LY86: variants seen among roughly 807,000 people sequenced by gnomAD.
The protein encoded by LY86 is MD-1, RP105-associated.
A neutral mutation model predicts 17.3 loss-of-function variants in LY86; 20 were observed. The ratio of observed to expected loss-of-function variants is 1.15; its 90% CI spans 0.81 to 1.68. The LOEUF (loss-of-function observed/expected upper bound fraction) is 1.68. Ranked by LOEUF, LY86 falls within the 40% of genes most tolerant of loss-of-function variation. The pLI is 0.00. For missense variants in LY86, 200 were observed against 191.9 expected (o/e 1.04, Z -0.25); for synonymous variants, 74 against 70.6 (o/e 1.05, Z -0.24).
At chr6:6,605,451 G>A (rs1430218026) in intron 1 of LY86, among the ~76,000 whole-genome samples, 1 of 152,354 alleles carries the variant, frequency 6.6e-6, no homozygotes, top group Admixed American at 6.5e-5. Flanking sequence ...CCCACTCACA[G>A]GGCTGTTACT....
Position 6,609,291 on chromosome 6 carries a change from T to C in LY86, c.137-15635T>C, listed in dbSNP as rs146976498. ...GCAGACCCACCCTGGCTTCATCTCATTGACATAAGAGATGCAGAAAGAAAT... is the reference window on the plus strand; with the variant it reads ...GCAGACCCACCCTGGCTTCATCTCACTGACATAAGAGATGCAGAAAGAAAT... On this transcript the variant is annotated intron_variant, in intron 1 of 4. Coordinates refer to ENST00000230568, the MANE Select transcript of LY86 (RefSeq NM_004271.4). Among the ~76,000 whole-genome samples the C allele has an allele frequency of 4.0e-3, 606 of 152,326 alleles. 3 individuals carry two copies. The highest frequency in any genetic ancestry group is 0.013 in the African/African-American group (553 of 41,576).
At chr6:6,597,405 G>A (rs560437217) in intron 1 of LY86, among the ~76,000 whole-genome samples, 1 of 152,264 alleles carries the variant, frequency 6.6e-6, no homozygotes, top group South Asian at 2.1e-4. Context: ...GTATAGAGAG[G>A]CAGGTGCTTC....
intron 3 of LY86, among the ~76,000 whole-genome samples, chr6:6,627,190 A>G (rs1249815636): frequency 6.6e-6 from 1 of 152,108 alleles, no homozygotes. Flanking sequence ...CCCACTGGCC[A>G]AGGCAGGGCA....
intron 1 of LY86, among the ~76,000 whole-genome samples, chr6:6,605,298 C>T (rs1761072999): frequency 1.3e-5 from 2 of 152,078 alleles, no homozygotes; most frequent in Non-Finnish European, 1.5e-5. Flanking sequence ...TCCTCTGGGG[C>T]AGGAATTTGG....
rs576135350 is a variant in LY86 at position 6,612,507 on chromosome 6, T to C, written c.137-12419T>C. Among the ~76,000 whole-genome samples, 30 of 137,842 alleles carry C rather than the reference T, an allele frequency of 2.2e-4. 1 individual carries two copies. The South Asian group carries it at 4.0e-3, about 18-fold the overall frequency. The allele number at this position is 137,842 out of a possible 152,430, so 90.4% of individuals were successfully genotyped here. On this transcript the variant is annotated intron_variant, in intron 1 of 4. Coordinates refer to ENST00000230568, the MANE Select transcript of LY86 (RefSeq NM_004271.4). ...AAGTGTAAACAACAAAAACACTTAC[T>C]GCAAAAAGCAAAAGAACAAACCAAC...
rs1760428864 is a variant in LY86 at position 6,588,738 on chromosome 6, A to C, written c.4A>C (p.Lys2Gln). 1 of 1,614,038 alleles carries C rather than the reference A, an allele frequency of 6.2e-7. No individual in the cohort carries two copies. The highest frequency in any genetic ancestry group is 8.5e-7 in the Non-Finnish European group (1 of 1,179,970). M[K>Q]GFTATLFLWT... ...GTGTCCCATACAGGCCCCCACCATG[A>C]AGGGTTTCACAGCCACTCTCTTCCT... The change falls in exon 1 of 5, where the codon AAG (lysine) becomes CAG (glutamine). Residue 2 changes from lysine to glutamine, a missense_variant. Lys to Gln is a moderately conservative substitution (Grantham distance 53). Coordinates refer to ENST00000230568, the MANE Select transcript of LY86 (RefSeq NM_004271.4).
chr6:6,611,957 C>A (rs1205024356), intron 1 of LY86, among the ~76,000 whole-genome samples: 1 of 151,728 alleles, frequency 6.6e-6, no homozygotes, highest in Non-Finnish European at 1.5e-5. Context: ...GTGTCCCAAG[C>A]AATCTACTTG....
At chr6:6,596,695 AT>A (rs1420758404) in intron 1 of LY86, among the ~76,000 whole-genome samples, 3 of 152,142 alleles carry the variant, frequency 2.0e-5, no homozygotes, top group South Asian at 2.1e-4. Context: ...TGTGGTGCAG[AT>A]TTTTTTTAAT....
chr6:6,646,709 C>T (rs1299938039), intron 3 of LY86, among the ~76,000 whole-genome samples: 1 of 152,158 alleles, frequency 6.6e-6, no homozygotes, highest in Non-Finnish European at 1.5e-5. Flanking sequence ...CCTTCACTTT[C>T]TTCCTTACTC....
intron 1 of LY86, among the ~76,000 whole-genome samples, chr6:6,590,184 TC>T (rs556441651): frequency 2.7e-5 from 4 of 146,016 alleles, no homozygotes; most frequent in South Asian, 2.2e-4. Flanking sequence ...GATACCGTAG[TC>T]CCCCCCCAGT....
chr6:6,610,545 G>T (rs12211040), intron 1 of LY86, among the ~76,000 whole-genome samples: 6,089 of 142,760 alleles, frequency 0.043, 182 homozygotes, highest in Non-Finnish European at 0.06. Flanking sequence ...GGAAGCTTAG[G>T]GGGGGGCAAG....
chr6:6,599,182 C>G (rs1760820235), intron 1 of LY86, among the ~76,000 whole-genome samples: 6 of 152,224 alleles, frequency 3.9e-5, no homozygotes. Context: ...TCATCTAATG[C>G]TTGGGACATG....
In LY86 at chr6:6,602,171, C is replaced by A. The variant is rs543077409; in HGVS notation, c.136+13301C>A. On this transcript the variant is annotated intron_variant, in intron 1 of 4. Transcript: ENST00000230568. ...ATCAAAATGGTGTCACCACATGAGT[C>A]CTGAAGAATGCTAATTATATAATAG... is the stretch of plus-strand genomic sequence containing the variant. Among the ~76,000 whole-genome samples the A allele has an allele frequency of 2.0e-5, 3 of 152,312 alleles. No individual in the cohort carries two copies. In the East Asian group the frequency reaches 5.8e-4, roughly 29 times the overall value.
At chr6:6,647,181 G>A (rs1260286815) in intron 3 of LY86, among the ~76,000 whole-genome samples, 1 of 152,136 alleles carries the variant, frequency 6.6e-6, no homozygotes, top group African/African-American at 2.4e-5. Flanking sequence ...TCCTACAATT[G>A]TGGGAGTAAT....
chr6:6,640,973 G>C (rs1195306555), intron 3 of LY86, among the ~76,000 whole-genome samples: 1 of 152,182 alleles, frequency 6.6e-6, no homozygotes, highest in East Asian at 1.9e-4. Flanking sequence ...TATCAAAGTA[G>C]AGTTAGCTGG....
intron 1 of LY86, among the ~76,000 whole-genome samples, chr6:6,595,229 T>G (rs1286687197): frequency 3.2e-3 from 325 of 100,992 alleles, no homozygotes; most frequent in African/African-American, 5.0e-3. Flanking sequence ...GGAAAAGGAG[T>G]AGGAGGAGGG....
intron 4 of LY86, among the ~76,000 whole-genome samples, chr6:6,651,951 G>A (rs1008602824): frequency 4.6e-5 from 7 of 151,282 alleles, no homozygotes; most frequent in Admixed American, 1.3e-4. Flanking sequence ...AGCCACTCGG[G>A]AGGCTGAGGC....
intron 3 of LY86, among the ~76,000 whole-genome samples, chr6:6,646,127 G>C (rs1762104007): frequency 6.6e-6 from 1 of 152,162 alleles, no homozygotes; most frequent in South Asian, 2.1e-4. Flanking sequence ...CTCAGGCTGG[G>C]CAAAGCACCA....
intron 1 of LY86, among the ~76,000 whole-genome samples, chr6:6,590,106 G>A (rs10080343): frequency 0.34 from 43,803 of 128,936 alleles, 7,377 homozygotes; most frequent in Middle Eastern, 0.4. Context: ...CAAGAGGAGC[G>A]AAACTCTGTC....
Sources: allele counts gnomAD v4.1 joint callset (sites outside exome capture counted in the v4.1 genomes callset), GRCh38; gene constraint gnomAD v4.1.1; transcripts MANE v1.5; gene names NCBI Gene and HGNC (gene_info 2026-07-23, HGNC 2026-07-21).